Variants in SPATA9 observed in about 807,000 individuals in gnomAD.
SPATA9 encodes spermatogenesis associated 9.
A neutral mutation model predicts 25.5 loss-of-function variants in SPATA9; 27 were observed. That is an observed-to-expected ratio of 1.06 (90% confidence interval 0.78 to 1.46). The LOEUF (loss-of-function observed/expected upper bound fraction) is 1.46, where lower values mean the gene tolerates loss of function less well. Ranked by LOEUF, SPATA9 falls within the 40% of genes most tolerant of loss-of-function variation. SPATA9 has a pLI of 0.00. For synonymous variants in SPATA9, 102 were observed against 105.7 expected, an observed-to-expected ratio of 0.97 and a Z score of 0.21; for missense variants, 282 against 297.5, an observed-to-expected ratio of 0.95 and a Z score of 0.38.
the SPATA9 span, chr5:95,731,576 C>A: frequency 9.2e-6 from 14 of 1,529,548 alleles, no homozygotes; most frequent in Non-Finnish European, 1.2e-5. Context: ...GAGGGGGACG[C>A]GGCCGGGGAT....
the SPATA9 span, among the ~76,000 whole-genome samples, chr5:95,723,714 C>T: frequency 2.0e-5 from 3 of 152,300 alleles, no homozygotes; most frequent in Admixed American, 1.3e-4. Context: ...TTTTCCCTAT[C>T]TCTCCTTTAC....
chr5:95,685,263 C>G (rs1365746145), upstream of SPATA9, among the ~76,000 whole-genome samples: 1 of 152,182 alleles, frequency 6.6e-6, no homozygotes, highest in Admixed American at 6.5e-5. Context: ...GCTGGGCTTG[C>G]CCGATTCACC....
At chr5:95,656,491 A>G, downstream of SPATA9, 1 of 549,556 alleles carries the variant, frequency 1.8e-6, no homozygotes, top group Non-Finnish European at 3.2e-6. Flanking sequence ...CATCAGGATC[A>G]ATAGAATACA....
At chr5:95,718,660 C>T in the SPATA9 span, among the ~76,000 whole-genome samples, 1 of 152,178 alleles carries the variant, frequency 6.6e-6, no homozygotes, top group Non-Finnish European at 1.5e-5. Context: ...AGATTTTCTA[C>T]AGCAATATTT....
At chr5:95,693,555 T>C (rs1753939534) in intron 1 of SPATA9, among the ~76,000 whole-genome samples, 1 of 152,212 alleles carries the variant, frequency 6.6e-6, no homozygotes, top group South Asian at 2.1e-4. Context: ...CACACATATG[T>C]TGTAAAACTA....
chr5:95,666,606 A>G (rs1311361795), intron 3 of SPATA9, among the ~76,000 whole-genome samples: 1 of 152,220 alleles, frequency 6.6e-6, no homozygotes, highest in East Asian at 1.9e-4. Flanking sequence ...TCAAGGTTCA[A>G]AATAGTAAGC....
chr5:95,725,289 C>T, the SPATA9 span, among the ~76,000 whole-genome samples: 1 of 152,226 alleles, frequency 6.6e-6, no homozygotes, highest in East Asian at 1.9e-4. Context: ...ATAAAAGAAT[C>T]AAGGCACAAA....
chr5:95,702,107 C>T (rs965289148), upstream of SPATA9, among the ~76,000 whole-genome samples: 1 of 152,080 alleles, frequency 6.6e-6, no homozygotes. Context: ...TACTTGCTTT[C>T]AGTCAACAGA....
chr5:95,681,246 T>C (rs1031550097), intron 2 of SPATA9, among the ~76,000 whole-genome samples: 1 of 152,238 alleles, frequency 6.6e-6, no homozygotes, highest in Non-Finnish European at 1.5e-5. Flanking sequence ...CGTTTTCTAC[T>C]ATTTCCTATC....
At chr5:95,726,701 T>C in the SPATA9 span, among the ~76,000 whole-genome samples, 2 of 152,246 alleles carry the variant, frequency 1.3e-5, no homozygotes, top group Admixed American at 1.3e-4. Context: ...TGTGCTTGCA[T>C]TTTTAACACT....
At chr5:95,670,567 G>A (rs1174081862) in intron 3 of SPATA9, 1 of 152,208 alleles carries the variant, frequency 6.6e-6, no homozygotes, top group African/African-American at 2.4e-5. Flanking sequence ...TATCTTTCAT[G>A]CATCCACAAA....
At chr5:95,674,709 C>G in intron 3 of SPATA9, 1 of 452,470 alleles carries the variant, frequency 2.2e-6, no homozygotes, top group South Asian at 1.6e-5. Flanking sequence ...TGTCGGGAAT[C>G]TCAACAGCTC....
chr5:95,665,039 A>AATC (rs1353381758), intron 3 of SPATA9, among the ~76,000 whole-genome samples: 1 of 152,208 alleles, frequency 6.6e-6, no homozygotes, highest in Non-Finnish European at 1.5e-5. Context: ...TATATTATGC[A>AATC]ATCTTTTTAT....
At chr5:95,677,395 A>G (rs771397557) in intron 2 of SPATA9, among the ~76,000 whole-genome samples, 1 of 152,258 alleles carries the variant, frequency 6.6e-6, no homozygotes, top group Non-Finnish European at 1.5e-5. Flanking sequence ...TCAAAAAAAT[A>G]CCAAATATTA....
chr5:95,662,686 A>T (rs1287433460), intron 4 of SPATA9, among the ~76,000 whole-genome samples: 4 of 152,246 alleles, frequency 2.6e-5, no homozygotes, highest in African/African-American at 9.6e-5. Context: ...TTTTTAAAGT[A>T]AAAATCAAAA....
Position 95,675,527 on chromosome 5 carries a change from G to A in SPATA9, c.263C>T (p.Ser88Leu), listed in dbSNP as rs1374222866. 1.9e-6 allele frequency: 3 copies of A among 1,614,140 alleles called. No homozygotes were observed. The highest frequency in any genetic ancestry group is 3.3e-5 in the Admixed American group (2 of 60,016). ...CTGAGGATGCAGAAGTTTGGCCACT[G>A]ATTTGGAGGATCTGGATATGCTGTT... ...GLNSISRSSK[S>L]VAKLLHPQLA... The change falls in exon 3 of 5, where the codon TCA (serine) becomes TTA (leucine). Residue 88 changes from serine (S) to leucine (L), a missense_variant. Transcript: ENST00000274432.
chr5:95,665,202 G>A (rs1423655911), intron 3 of SPATA9, among the ~76,000 whole-genome samples: 1 of 152,084 alleles, frequency 6.6e-6, no homozygotes, highest in African/African-American at 2.4e-5. Flanking sequence ...TCATTTCTTT[G>A]TGGTGAGAAC....
At chr5:95,674,524 T>A (rs1752732131) in intron 3 of SPATA9, among the ~76,000 whole-genome samples, 1 of 152,192 alleles carries the variant, frequency 6.6e-6, no homozygotes, top group Non-Finnish European at 1.5e-5. Context: ...CCCTCTTTTT[T>A]TTCTGCTGGA....
At chr5:95,672,277 T>A (rs992129355) in intron 3 of SPATA9, among the ~76,000 whole-genome samples, 1 of 152,144 alleles carries the variant, frequency 6.6e-6, no homozygotes, top group Non-Finnish European at 1.5e-5. Context: ...GGGACTCCCA[T>A]GAGAGATTAG....
Sources: allele counts gnomAD v4.1 joint callset (sites outside exome capture counted in the v4.1 genomes callset), GRCh38; gene constraint gnomAD v4.1.1; transcripts MANE v1.5; gene names NCBI Gene and HGNC (gene_info 2026-07-23, HGNC 2026-07-21).